Variants in ECHS1 observed in about 807,000 individuals in gnomAD.
The protein encoded by ECHS1 is enoyl-CoA hydratase, short chain 1, also known as enoyl-CoA hydratase, mitochondrial.
ECHS1 carries 19 observed loss-of-function variants against 33.5 expected under a neutral mutation model. The ratio of observed to expected loss-of-function variants is 0.57; its 90% confidence interval spans 0.40 to 0.83. The LOEUF is 0.83. Among genes scored for constraint, ECHS1 ranks in the 40% least tolerant of loss-of-function variants. ECHS1 has a pLI of 0.00. For missense variants in ECHS1, 365 were observed against 381.3 expected, an observed-to-expected ratio of 0.96 and a Z score of 0.36; for synonymous variants, 158 against 146.6, an observed-to-expected ratio of 1.08 and a Z score of -0.56.
intron 7 of ECHS1, 53 bp downstream of exon 7, chr10:133,364,605 A>C (rs938115020): frequency 1.4e-6 from 2 of 1,393,652 alleles, no homozygotes; most frequent in African/African-American, 1.4e-5. Flanking sequence ...AATTCCCAGC[A>C]ACTTGTGTGA....
chr10:133,372,562 A>T (rs1294489184), intron 1 of ECHS1, among the ~76,000 whole-genome samples: 2 of 152,048 alleles, frequency 1.3e-5, no homozygotes, highest in Admixed American at 6.5e-5. Flanking sequence ...CCGGATTTTT[A>T]CAACCCCCAC....
In ECHS1 at chr10:133,362,815, C is replaced by T; in HGVS notation, c.*53G>A. On this transcript the variant is annotated 3_prime_UTR_variant, in exon 8 of 8. Coordinates refer to ENST00000368547, the MANE Select transcript of ECHS1 (RefSeq NM_004092.4). Reference sequence around the variant, plus strand: ...ATGATTTACTTGCTTCTAAAACTGACAGGCTGCACTTGTCCTCTCCAAGCA... The same window carrying T: ...ATGATTTACTTGCTTCTAAAACTGATAGGCTGCACTTGTCCTCTCCAAGCA... 6.3e-7 allele frequency: 1 copy of T among 1,575,344 alleles called. No homozygotes were observed. The highest frequency in any genetic ancestry group is 1.7e-5 in the Admixed American group (1 of 59,968).
chr10:133,370,744 C>A lies in ECHS1; in HGVS notation c.102G>T (p.Glu34Asp). Residue 34 changes from glutamate (E) to aspartate (D), a missense_variant, in exon 2 of 8, where the codon GAG becomes GAT. Coordinates refer to ENST00000368547, the MANE Select transcript of ECHS1 (RefSeq NM_004092.4). ...WRPFASGANF[E>D]YIIAEKRGKN... ...TCCCTCTTTTTTCTGCGATGATGTA[C>A]TCAAAGTTAGCACCTGGAGCAAGAA... 6.2e-7 allele frequency: 1 copy of A among 1,610,940 alleles called. No individual in the cohort carries two copies. The highest frequency in any genetic ancestry group is 8.5e-7 in the Non-Finnish European group (1 of 1,178,826).
intron 7 of ECHS1, among the ~76,000 whole-genome samples, chr10:133,364,156 G>C (rs1849001009): frequency 6.6e-6 from 1 of 151,930 alleles, no homozygotes; most frequent in Admixed American, 6.6e-5. Context: ...TGTTGCCCAG[G>C]CTGGTTTCAA....
intron 6 of ECHS1, among the ~76,000 whole-genome samples, chr10:133,365,210 G>A (rs1443642203): frequency 6.6e-6 from 1 of 152,214 alleles, no homozygotes; most frequent in Non-Finnish European, 1.5e-5. Flanking sequence ...AGGCGCTGTG[G>A]CTCCAGGGCT....
In ECHS1 at chr10:133,370,740, T is replaced by C. The variant is rs1849096951; in HGVS notation, c.106A>G (p.Ile36Val). 2 of 1,611,964 alleles carry C rather than the reference T, an allele frequency of 1.2e-6. No individual in the cohort carries two copies. Among genetic ancestry groups the C allele is most frequent in the East Asian group, 2.2e-5 (1 of 44,834 alleles). The change falls in exon 2 of 8, where the codon ATC becomes GTC. Residue 36 changes from isoleucine to valine, a missense_variant. Ile to Val is a conservative substitution (Grantham distance 29). Coordinates refer to ENST00000368547, the MANE Select transcript of ECHS1 (RefSeq NM_004092.4). ...TTCTTCCCTCTTTTTTCTGCGATGA[T>C]GTACTCAAAGTTAGCACCTGGAGCA... is the stretch of plus-strand genomic sequence containing the variant. ...PFASGANFEY[I>V]IAEKRGKNNT...
At chr10:133,365,871 A>G in intron 6 of ECHS1, 105 bp downstream of exon 6, 1 of 1,409,154 alleles carries the variant, frequency 7.1e-7, no homozygotes, top group Non-Finnish European at 9.8e-7. Context: ...ATTTCTGCCC[A>G]GGAGGGCTTA....
In ECHS1 at chr10:133,370,006, C is replaced by T. The variant is rs754728198; in HGVS notation, c.312G>A (p.Gln104=). Reference sequence around the variant, plus strand: ...AGTAACAGTCCTGGAAACTCAGGTTCTGCATTTCCTTGATATCAGCTCCAG... The same window carrying T: ...AGTAACAGTCCTGGAAACTCAGGTTTTGCATTTCCTTGATATCAGCTCCAG... The part of the protein sequence containing the change: ...FAAGADIKEM[Q]NLSFQDCYSS... The change falls in exon 3 of 8, where the codon CAG becomes CAA. Residue 104 remains glutamine (Q), a synonymous_variant. Transcript: ENST00000368547. The T allele has an allele frequency of 1.2e-6, 2 of 1,613,836 alleles. No homozygotes were observed. The highest frequency in any genetic ancestry group is 3.3e-5 in the Admixed American group (2 of 60,020).
At chr10:133,368,897 A>G in intron 4 of ECHS1, 26 bp downstream of exon 4, 2 of 1,603,520 alleles carry the variant, frequency 1.2e-6, no homozygotes, top group African/African-American at 2.7e-5. Context: ...TAAGGCATCT[A>G]TGCCAGAGAC....
intron 1 of ECHS1, among the ~76,000 whole-genome samples, chr10:133,372,430 A>T (rs1023001710): frequency 6.6e-5 from 10 of 152,176 alleles, no homozygotes; most frequent in Admixed American, 3.9e-4. Flanking sequence ...CTTTTCCCTT[A>T]GGACCCTCTG....
chr10:133,364,819 C>T (rs955771070), intron 6 of ECHS1, 94 bp from the exon 7 acceptor site: 1 of 995,266 alleles, frequency 1.0e-6, no homozygotes, highest in Non-Finnish European at 1.6e-6. Flanking sequence ...GACCCATGCA[C>T]AACTGTGCTT....
chr10:133,372,098 T>C (rs1849116511), intron 1 of ECHS1, among the ~76,000 whole-genome samples: 1 of 152,226 alleles, frequency 6.6e-6, no homozygotes. Context: ...CGCCGTATCC[T>C]GTGGGTTTCT....
intron 1 of ECHS1, among the ~76,000 whole-genome samples, chr10:133,373,031 GT>G (rs1293291165): frequency 2.8e-5 from 2 of 70,826 alleles, no homozygotes; most frequent in Admixed American, 1.3e-4. Flanking sequence ...AGGTGGGGGG[GT>G]GCGGGGTCAG....
rs1394599097 is a variant in ECHS1, at chr10:133,369,889, G to C, written c.414+15C>G. 1.9e-6 allele frequency: 3 copies of C among 1,612,628 alleles called. No homozygotes were observed. Among genetic ancestry groups the C allele is most frequent in the South Asian group, 2.2e-5 (2 of 90,984 alleles). The stretch of plus-strand genomic sequence containing the variant: ...TCAACCACGAGAGGAGGAGACTCTT[G>C]GCAGCAACACTCACGGCATAGCCAT... On this transcript the variant is annotated intron_variant, in intron 3 of 7. Transcript: ENST00000368547.
chr10:133,367,025 G>A (rs1471167307), intron 4 of ECHS1, 32 bp from the exon 5 acceptor site: 5 of 1,553,120 alleles, frequency 3.2e-6, no homozygotes, highest in Non-Finnish European at 4.4e-6. Context: ...GGCTGGCACT[G>A]TGATGAGTGA....
At chr10:133,367,046 A>T in intron 4 of ECHS1, 53 bp from the exon 5 acceptor site, 1 of 1,449,648 alleles carries the variant, frequency 6.9e-7, no homozygotes. Flanking sequence ...ACCCAAGAAG[A>T]CATCACAGCT....
rs775894295 is a variant in ECHS1, at chr10:133,370,661, CA to C, written c.184del (p.Cys62AlafsTer4). ...GTTGAGCTCGTCAATCAGGCCATCG[CA>C]AAGTGCATTGAGGGCCTTGGGGCGG... ...LNRPKALNAL[C>X]DGLIDELNQA... On this transcript the variant is annotated frameshift_variant, in exon 2 of 8. Transcript: ENST00000368547. LOFTEE classifies it high-confidence loss of function. 1 of 1,613,392 alleles carries C rather than the reference CA, an allele frequency of 6.2e-7. No individual in the cohort carries two copies. Among genetic ancestry groups the C allele is most frequent in the South Asian group, 1.1e-5 (1 of 91,050 alleles).
chr10:133,370,170 CGTGGACAGCT>C, intron 2 of ECHS1, 139 bp from the exon 3 acceptor site: 1 of 1,210,272 alleles, frequency 8.3e-7, no homozygotes, highest in Non-Finnish European at 1.1e-6. Flanking sequence ...CACCAGGCCA[CGTGGACAGCT>C]GTAGGGACGC....
At chr10:133,365,924 G>A (rs2133439630) in intron 6 of ECHS1, 52 bp downstream of exon 6, 1 of 1,603,926 alleles carries the variant, frequency 6.2e-7, no homozygotes, top group Non-Finnish European at 8.5e-7. Flanking sequence ...GCTGAGGAAT[G>A]CTCCTGACAG....
Sources: gnomAD v4.1 joint callset for allele counts (sites outside exome capture counted in the v4.1 genomes callset) on GRCh38, gnomAD v4.1.1 for gene constraint, MANE v1.5 for transcripts, NCBI Gene and HGNC (gene_info 2026-07-23, HGNC 2026-07-21) for gene names.